CACNA1A: variants seen among roughly 807,000 people sequenced by gnomAD.
CACNA1A encodes the protein voltage-dependent P/Q-type calcium channel subunit alpha-1A.
A neutral mutation model predicts 262.4 loss-of-function variants in CACNA1A; 57 were observed. The ratio of observed to expected loss-of-function variants is 0.22; its 90% CI spans 0.18 to 0.27. The LOEUF is 0.27. Among genes scored for constraint, CACNA1A ranks in the 10% least tolerant of loss-of-function variants. The pLI, the probability that CACNA1A is intolerant of heterozygous loss-of-function variation, is 1.00. For missense variants in CACNA1A, 2,526 were observed against 3,562.8 expected, an observed-to-expected ratio of 0.71 and a Z score of 7.41; for synonymous variants, 1,431 against 1,419.3, an observed-to-expected ratio of 1.01 and a Z score of -0.18.
intron 21 of CACNA1A, 180 bp from the exon 22 acceptor site, chr19:13,283,576 G>A (rs778730650): frequency 2.4e-4 from 163 of 684,826 alleles, no homozygotes; most frequent in Non-Finnish European, 3.5e-4. Context: ...ACCCCAAGAA[G>A]GCAGAGGGGA....
intron 34 of CACNA1A, among the ~76,000 whole-genome samples, chr19:13,233,052 A>T (rs535783166): frequency 1.3e-5 from 2 of 151,054 alleles, no homozygotes; most frequent in South Asian, 4.2e-4. Flanking sequence ...TCTGTCTCAG[A>T]TTAAAAAAAA....
chr19:13,351,326 A>G (rs1238540578), intron 6 of CACNA1A, among the ~76,000 whole-genome samples: 1 of 152,184 alleles, frequency 6.6e-6, no homozygotes, highest in Non-Finnish European at 1.5e-5. Context: ...ATAATAAAAT[A>G]AAAATGATCA....
chr19:13,455,050 A>G, intron 2 of CACNA1A, 57 bp downstream of exon 2: 1 of 1,099,908 alleles, frequency 9.1e-7, no homozygotes, highest in Non-Finnish European at 1.4e-6. Context: ...CCACTCCCCC[A>G]AAAATTAATG....
chr19:13,420,497 A>T (rs1473876286), intron 3 of CACNA1A, among the ~76,000 whole-genome samples: 1 of 152,174 alleles, frequency 6.6e-6, no homozygotes, highest in Non-Finnish European at 1.5e-5. Context: ...GAAAGGACAT[A>T]GACACACAGA....
At chr19:13,423,318 T>C (rs2060347284) in intron 3 of CACNA1A, among the ~76,000 whole-genome samples, 1 of 152,120 alleles carries the variant, frequency 6.6e-6, no homozygotes. Flanking sequence ...GAGTGCGTGA[T>C]GGAGGGCTAG....
At chr19:13,340,866 G>A (rs1349815066) in intron 6 of CACNA1A, among the ~76,000 whole-genome samples, 1 of 152,114 alleles carries the variant, frequency 6.6e-6, no homozygotes, top group East Asian at 1.9e-4. Flanking sequence ...TTAAGATCAG[G>A]TCATTAGGGT....
intron 1 of CACNA1A, among the ~76,000 whole-genome samples, chr19:13,497,007 A>C (rs1325650564): frequency 6.6e-6 from 1 of 152,156 alleles, no homozygotes; most frequent in East Asian, 1.9e-4. Flanking sequence ...GCAGCCAGTG[A>C]CTAGTAGAGC....
chr19:13,331,070 CCT>C (rs1454836992), intron 9 of CACNA1A, among the ~76,000 whole-genome samples: 1 of 151,870 alleles, frequency 6.6e-6, no homozygotes, highest in Non-Finnish European at 1.5e-5. Context: ...ATTTAGGTAC[CCT>C]AAATGAGTTA....
At chr19:13,312,566 C>A (rs1447059285) in intron 12 of CACNA1A, 103 bp downstream of exon 12, 1 of 679,584 alleles carries the variant, frequency 1.5e-6, no homozygotes, top group East Asian at 3.0e-5. Context: ...CTGAGTCTCT[C>A]ATATTCAGGG....
At chr19:13,250,047 G>A (rs2056354777) in intron 30 of CACNA1A, among the ~76,000 whole-genome samples, 1 of 151,794 alleles carries the variant, frequency 6.6e-6, no homozygotes, top group East Asian at 1.9e-4. Flanking sequence ...ACTAGTATAA[G>A]CCTTCTTCAC....
chr19:13,207,105 C>T lies in CACNA1A; in HGVS notation c.*208G>A, dbSNP rs373229485. On this transcript the variant is annotated 3_prime_UTR_variant, in exon 47 of 47. Coordinates refer to ENST00000360228, the MANE Select transcript of CACNA1A (RefSeq NM_001127222.2). This position sits in a 1 kb window ranked among gnomAD's most constrained non-coding sequence, Gnocchi z 5.7. ...GGGATCGGGGCTGGTTGGGGGGCGC[C>T]GTGGCTGCCCAGGAGGGTCTCTTTT... The T allele has an allele frequency of 6.5e-6, 3 of 458,754 alleles. No individual in the cohort carries two copies. Among genetic ancestry groups the T allele is most frequent in the South Asian group, 3.4e-5 (1 of 29,266 alleles). 28.4% of individuals were successfully genotyped at this position (458,754 alleles called of 1,614,324 possible).
chr19:13,488,586 G>A (rs1169395706), intron 1 of CACNA1A, among the ~76,000 whole-genome samples: 1 of 151,420 alleles, frequency 6.6e-6, no homozygotes, highest in Non-Finnish European at 1.5e-5. Flanking sequence ...TTTTAGTAGA[G>A]ATGGAGTTTC....
intron 11 of CACNA1A, among the ~76,000 whole-genome samples, chr19:13,313,717 T>C (rs889017273): frequency 2.0e-5 from 3 of 152,090 alleles, no homozygotes; most frequent in Non-Finnish European, 4.4e-5. Flanking sequence ...ATTTAAAAAA[T>C]AAACTAATTA....
At chr19:13,317,482 A>G (rs1208654044) in intron 10 of CACNA1A, among the ~76,000 whole-genome samples, 161 bp from the exon 11 acceptor site, 2 of 152,198 alleles carry the variant, frequency 1.3e-5, no homozygotes, top group Non-Finnish European at 2.9e-5. Flanking sequence ...TTAGTTTTGC[A>G]TAGATGGAGC....
chr19:13,267,213 G>A (rs566860851), intron 24 of CACNA1A, among the ~76,000 whole-genome samples: 7 of 152,310 alleles, frequency 4.6e-5, no homozygotes, highest in African/African-American at 1.7e-4. Context: ...TGTGGCATCG[G>A]AGGGAGAGAC....
intron 20 of CACNA1A, among the ~76,000 whole-genome samples, chr19:13,285,646 T>C (rs183373247): frequency 1.5e-3 from 224 of 152,182 alleles, no homozygotes; most frequent in African/African-American, 4.8e-3. Context: ...ACTGAACAGA[T>C]AGAAATACTG....
intron 1 of CACNA1A, among the ~76,000 whole-genome samples, chr19:13,495,059 T>C (rs1353035993): frequency 1.3e-5 from 2 of 152,120 alleles, no homozygotes; most frequent in African/African-American, 4.8e-5. Context: ...TATCCACCAA[T>C]GGAGCAAAAT....
chr19:13,472,105 G>A (rs1978286156), intron 1 of CACNA1A, among the ~76,000 whole-genome samples: 1 of 151,946 alleles, frequency 6.6e-6, no homozygotes, highest in Non-Finnish European at 1.5e-5. Flanking sequence ...TGGGACTACA[G>A]GTGCACACTA....
At chr19:13,291,643 A>AAG (rs2057542002) in intron 19 of CACNA1A, among the ~76,000 whole-genome samples, 1 of 148,096 alleles carries the variant, frequency 6.8e-6, no homozygotes, top group Non-Finnish European at 1.5e-5. Context: ...TAAAAAAAAA[A>AAG]AAAAAAAAAA....
Sources: allele counts gnomAD v4.1 joint callset (sites outside exome capture counted in the v4.1 genomes callset), GRCh38; gene constraint gnomAD v4.1.1; non-coding constraint Gnocchi (gnomAD v3.1); transcripts MANE v1.5; gene names NCBI Gene and HGNC (gene_info 2026-07-23, HGNC 2026-07-21).